The following TG variants were observed in gnomAD, a reference collection of about 807,000 sequenced individuals.
TG encodes thyroglobulin, also known as thyroid hormones.
A neutral mutation model predicts 324.7 loss-of-function variants in TG; 270 were observed. The observed-to-expected ratio is 0.83, with a 90% CI of 0.75 to 0.92. The LOEUF is 0.92. Ranked by LOEUF, TG falls within the 40% of genes least tolerant of loss-of-function variation. The pLI is 0.00. For synonymous variants in TG, 1,401 were observed against 1,327.0 expected, an observed-to-expected ratio of 1.06 and a Z score of -1.21; for missense variants, 3,591 against 3,456.4, an observed-to-expected ratio of 1.04 and a Z score of -0.98.
chr8:132,869,627 C>A, intron 2 of TG, 102 bp from the exon 3 acceptor site: 1 of 1,072,190 alleles, frequency 9.3e-7, no homozygotes, highest in Non-Finnish European at 1.4e-6. Context: ...CGAACCAAAA[C>A]TTGCAAGAAT....
chr8:133,108,495 C>G (rs1417858420), intron 43 of TG, among the ~76,000 whole-genome samples: 1 of 152,204 alleles, frequency 6.6e-6, no homozygotes, highest in South Asian at 2.1e-4. Flanking sequence ...GGTTTCATCT[C>G]ATCTAACTTC....
rs762632775 is a variant in TG at position 132,966,651 on chromosome 8, C to G, written c.5640C>G (p.Phe1880Leu). The change falls in exon 30 of 48, where the codon TTC becomes TTG. Residue 1880 changes from phenylalanine (F) to leucine (L), a missense_variant. By Grantham distance (22) the Phe-to-Leu change is conservative. Coordinates refer to ENST00000220616, the MANE Select transcript of TG (RefSeq NM_003235.5). ...TATCCAGCCAGAAGCACTGGCTTTT[C>G]AAGCACCTGTTTTCAGCCCAGCAGG... ...QSLSSQKHWL[F>L]KHLFSAQQAN... The G allele has an allele frequency of 6.2e-7, 1 of 1,614,112 alleles. No individual in the cohort carries two copies. Among genetic ancestry groups the G allele is most frequent in the East Asian group, 2.2e-5 (1 of 44,868 alleles).
chr8:133,015,956 C>A (rs1002985589), intron 37 of TG, among the ~76,000 whole-genome samples: 1 of 152,098 alleles, frequency 6.6e-6, no homozygotes, highest in African/African-American at 2.4e-5. Context: ...CCTGTGTCCC[C>A]CCACCCCTGC....
chr8:132,946,305 T>C (rs1322338809), intron 26 of TG, among the ~76,000 whole-genome samples: 1 of 152,204 alleles, frequency 6.6e-6, no homozygotes, highest in Non-Finnish European at 1.5e-5. Context: ...AAATCCTTTT[T>C]TTCCATGATA....
At position 132,933,578 on chromosome 8, in the gene TG, G is replaced by C. The variant is rs1324691588; in HGVS notation, c.4834G>C (p.Ala1612Pro). 1 of 1,614,022 alleles carries C rather than the reference G, an allele frequency of 6.2e-7. No homozygotes were observed. Among genetic ancestry groups the C allele is most frequent in the African/African-American group, 1.3e-5 (1 of 74,982 alleles). Residue 1612 changes from alanine (A) to proline (P), a missense_variant, in exon 24 of 48, where the codon GCC becomes CCC. Physicochemically the swap from Ala to Pro is conservative, Grantham distance 27. Transcript: ENST00000220616. Reference protein sequence around the residue: ...QCLTDCTEDEACSFFTVSTTE... With the variant: ...QCLTDCTEDEPCSFFTVSTTE... ...GCTTGCAGATTGCACAGAGGACGAGGCCTGCAGCTTCTTCACCGTGTCCAC... is the reference window on the plus strand; with the variant it reads ...GCTTGCAGATTGCACAGAGGACGAGCCCTGCAGCTTCTTCACCGTGTCCAC...
At chr8:132,975,227 C>A (rs1355140072) in intron 34 of TG, among the ~76,000 whole-genome samples, 1 of 152,190 alleles carries the variant, frequency 6.6e-6, no homozygotes, top group East Asian at 1.9e-4. Flanking sequence ...CCCATCTGTC[C>A]TCTTACCTCC....
At chr8:133,065,161 A>G (rs1842875527) in intron 41 of TG, among the ~76,000 whole-genome samples, 2 of 152,144 alleles carry the variant, frequency 1.3e-5, no homozygotes, top group South Asian at 4.1e-4. Context: ...GCCAACAACA[A>G]CGGTGATGAC....
intron 35 of TG, among the ~76,000 whole-genome samples, chr8:133,008,767 C>T (rs1044634852): frequency 6.6e-6 from 1 of 152,256 alleles, no homozygotes; most frequent in East Asian, 1.9e-4. Context: ...GTTTCCTTGT[C>T]TGTAAACTTG....
chr8:133,057,778 A>C (rs916294486), intron 41 of TG, among the ~76,000 whole-genome samples: 1 of 151,866 alleles, frequency 6.6e-6, no homozygotes, highest in African/African-American at 2.4e-5. Context: ...AAAAAACAAA[A>C]AAAAAAAAAC....
At chr8:132,999,188 G>A (rs958174301) in intron 35 of TG, among the ~76,000 whole-genome samples, 3 of 152,130 alleles carry the variant, frequency 2.0e-5, no homozygotes, top group Non-Finnish European at 2.9e-5. Flanking sequence ...AGAGAAGGAC[G>A]AGCAGGAGTC....
intron 35 of TG, among the ~76,000 whole-genome samples, chr8:133,009,756 CAAG>C (rs1342271966): frequency 6.6e-6 from 1 of 151,788 alleles, no homozygotes; most frequent in Non-Finnish European, 1.5e-5. Flanking sequence ...GATGATACAG[CAAG>C]AAGACAGCTA....
intron 41 of TG, among the ~76,000 whole-genome samples, chr8:133,075,434 T>A (rs1292896378): frequency 1.3e-5 from 2 of 152,192 alleles, no homozygotes; most frequent in African/African-American, 4.8e-5. Context: ...AATGACTTGG[T>A]GCCAATGTGT....
intron 36 of TG, among the ~76,000 whole-genome samples, chr8:133,012,384 G>T (rs775646265): frequency 1.3e-5 from 2 of 152,194 alleles, no homozygotes; most frequent in Non-Finnish European, 2.9e-5. Context: ...TGAGGAGGAA[G>T]TACACTTGTC....
At position 132,886,661 on chromosome 8, in the gene TG, G is replaced by C; in HGVS notation, c.1289G>C (p.Ser430Thr). 3 of 1,614,192 alleles carry C rather than the reference G, an allele frequency of 1.9e-6. No homozygotes were observed. The highest frequency in any genetic ancestry group is 2.5e-6 in the Non-Finnish European group (3 of 1,180,042). ...GLLRPMVEGQ[S>T]QQFSVSENLL... ...CTCCGCCCAATGGTGGAGGGACAGA[G>C]CCAACAGTTTTCTGTCTCAGAAAAT... is the stretch of plus-strand genomic sequence containing the variant. Residue 430 changes from serine to threonine, a missense_variant, in exon 9 of 48, where the codon AGC (serine) becomes ACC (threonine). Transcript: ENST00000220616.
intron 41 of TG, among the ~76,000 whole-genome samples, chr8:133,032,670 A>T (rs1448858011): frequency 6.6e-6 from 1 of 152,224 alleles, no homozygotes; most frequent in African/African-American, 2.4e-5. Context: ...TGTGTTCTTT[A>T]TCAACAGATG....
intron 22 of TG, among the ~76,000 whole-genome samples, chr8:132,927,317 T>G (rs1822019473): frequency 6.7e-6 from 1 of 149,456 alleles, no homozygotes; most frequent in Admixed American, 6.6e-5. Flanking sequence ...AAGTAGTCTC[T>G]CTGTTACTAT....
intron 28 of TG, among the ~76,000 whole-genome samples, chr8:132,961,805 C>T (rs1238294476): frequency 6.6e-6 from 1 of 152,128 alleles, no homozygotes; most frequent in African/African-American, 2.4e-5. Flanking sequence ...CTTCCTGTTC[C>T]CCTAATCTGT....
At chr8:133,093,117 G>T (rs1223231091) in intron 41 of TG, among the ~76,000 whole-genome samples, 1 of 117,488 alleles carries the variant, frequency 8.5e-6, no homozygotes, top group Non-Finnish European at 1.8e-5. Context: ...GTGTGTGTGT[G>T]TGTTTTCTTT....
rs7819747 is a variant in TG, at chr8:133,052,740, A to G, written c.7239+22717A>G. Among the ~76,000 whole-genome samples, 758 of 152,290 alleles carry G rather than the reference A, an allele frequency of 5.0e-3. 6 individuals carry two copies. The highest frequency in any genetic ancestry group is 0.016 in the African/African-American group (683 of 41,560). On this transcript the variant is annotated intron_variant, in intron 41 of 47. Transcript: ENST00000220616. ...GTCCTCTTTAAGAAAAAAATACACA[A>G]TTGCAAATACAAAATGAAGGACAGA...
Sources: allele counts gnomAD v4.1 joint callset (sites outside exome capture counted in the v4.1 genomes callset), GRCh38; gene constraint gnomAD v4.1.1; transcripts MANE v1.5; gene names NCBI Gene and HGNC (gene_info 2026-07-23, HGNC 2026-07-21).